MUC12: variants seen among roughly 807,000 people sequenced by gnomAD.
MUC12 encodes the protein mucin 12, cell surface associated.
Under a neutral mutation model 230.8 loss-of-function variants are expected in MUC12, and 172 were observed. The ratio of observed to expected loss-of-function variants is 0.75; its 90% confidence interval spans 0.66 to 0.85. MUC12 has a LOEUF of 0.85. Among genes scored for constraint, MUC12 ranks in the 40% least tolerant of loss-of-function variants. The pLI is 0.00. For synonymous variants in MUC12, 1,259 were observed against 2,401.9 expected (o/e 0.52, Z 13.91); for missense variants, 3,506 against 5,920.6 (o/e 0.59, Z 13.38).
chr7:101,005,019 C>G lies in MUC12; in HGVS notation c.14456C>G (p.Ala4819Gly). ...SPGSITTSSF[A>G]QEFTTPHSQP... ...GGCAGCATCACAACTTCATCTTTTGCTCAAGAATTTACCACCCCTCATAGC... is the reference window on the plus strand; with the variant it reads ...GGCAGCATCACAACTTCATCTTTTGGTCAAGAATTTACCACCCCTCATAGC... The change falls in exon 2 of 12, where the codon GCT becomes GGT. Residue 4819 changes from alanine to glycine, a missense_variant. Ala to Gly is a moderately conservative substitution (Grantham distance 60). Transcript: ENST00000536621. 1 of 1,537,632 alleles carries G rather than the reference C, an allele frequency of 6.5e-7. No individual in the cohort carries two copies. The highest frequency in any genetic ancestry group is 2.4e-5 in the East Asian group (1 of 40,916).
At position 101,004,720 on chromosome 7, in the gene MUC12, C is replaced by A. The variant is rs767319450; in HGVS notation, c.14157C>A (p.Gly4719=). The A allele has an allele frequency of 2.9e-5, 44 of 1,536,958 alleles. No individual in the cohort carries two copies. The East Asian group carries it at 9.5e-4, about 33-fold the overall frequency. Residue 4719 remains glycine, a synonymous_variant, in exon 2 of 12, where the codon GGC becomes GGA. Transcript: ENST00000536621. ...CTACCACCTTCTATATCTCTCCAGG[C>A]TCAATGGAAACAACATTAGCCAGCA... ...AESTTFYISP[G]SMETTLASTA...
At chr7:100,969,735 G>T in intron 1 of MUC12, 46 bp downstream of exon 1, 1 of 1,537,162 alleles carries the variant, frequency 6.5e-7, no homozygotes, top group Non-Finnish European at 8.7e-7. Flanking sequence ...CTCCTGGGTG[G>T]TAATAGTACA....
Position 101,012,962 on chromosome 7 carries a change from C to T in MUC12, c.15476-18C>T. On this transcript the variant is annotated intron_variant, in intron 7 of 11. Transcript: ENST00000536621. Reference sequence around the variant, plus strand: ...GCTTTGGCCAGGCTCATGCATGCTGCCCGCCCCTCTCCCTCAGAGCAATGC... The same window carrying T: ...GCTTTGGCCAGGCTCATGCATGCTGTCCGCCCCTCTCCCTCAGAGCAATGC... 6.5e-7 allele frequency: 1 copy of T among 1,537,226 alleles called. No individual in the cohort carries two copies. Among genetic ancestry groups the T allele is most frequent in the Non-Finnish European group, 8.7e-7 (1 of 1,146,902 alleles).
chr7:101,002,876 A>C lies in MUC12; in HGVS notation c.12313A>C (p.Thr4105Pro), dbSNP rs1471397650. 1 of 1,170,634 alleles carries C rather than the reference A, an allele frequency of 8.5e-7. No individual in the cohort carries two copies. The highest frequency in any genetic ancestry group is 2.2e-5 in the Admixed American group (1 of 44,654). The allele number at this position is 1,170,634 out of a possible 1,614,324, so 72.5% of individuals were successfully genotyped here. ...CACAGCAGTCCCTGTTGAAGTATCC[A>C]CAACCTACCACAGCCGCCCGAGCTC... ...STTAVPVEVS[T>P]TYHSRPSSTP... is the part of the protein sequence containing the mutation. Residue 4105 changes from threonine to proline, a missense_variant, in exon 2 of 12, where the codon ACA becomes CCA. Coordinates refer to ENST00000536621, the MANE Select transcript of MUC12 (RefSeq NM_001164462.2).
At chr7:101,015,986 A>G (rs982996472) in intron 10 of MUC12, among the ~76,000 whole-genome samples, 7 of 152,152 alleles carry the variant, frequency 4.6e-5, no homozygotes. Flanking sequence ...CAGAGGGAGC[A>G]GAGGGGTGGA....
chr7:101,007,849 G>A (rs1793778748), intron 3 of MUC12, among the ~76,000 whole-genome samples: 1 of 152,088 alleles, frequency 6.6e-6, no homozygotes, highest in South Asian at 2.1e-4. Context: ...CCAGGCTGGA[G>A]TGCAGTGGCA....
Position 101,004,535 on chromosome 7 carries a change from T to A in MUC12, c.13972T>A (p.Tyr4658Asn), listed in dbSNP as rs1793697195. The A allele has an allele frequency of 1.3e-6, 2 of 1,535,882 alleles. No individual in the cohort carries two copies. The highest frequency in any genetic ancestry group is 2.0e-5 in the Admixed American group (1 of 50,756). The change falls in exon 2 of 12, where the codon TAC becomes AAC. Residue 4658 changes from tyrosine to asparagine, a missense_variant. Tyr to Asn is a moderately radical substitution (Grantham distance 143). Transcript: ENST00000536621. ...TGCCCTTGTTGAAGAACCTACCAGC[T>A]ACCACAGCAGCCCGGGCTCAATTGC... is the stretch of plus-strand genomic sequence containing the variant. ...TSALVEEPTS[Y>N]HSSPGSIATT...
chr7:101,013,958 A>T lies in MUC12; in HGVS notation c.15684A>T (p.Glu5228Asp). The T allele has an allele frequency of 6.5e-7, 1 of 1,536,474 alleles. No individual in the cohort carries two copies. The highest frequency in any genetic ancestry group is 8.7e-7 in the Non-Finnish European group (1 of 1,146,582). ...ACTGGTACTGGGGAGAGACCTGTGA[A>T]TTCAACATCGCCAAGAGCCTCGTGT... ...NTHWYWGETC[E>D]FNIAKSLVYG... The change falls in exon 9 of 12, where the codon GAA becomes GAT. Residue 5228 changes from glutamate (E) to aspartate (D), a missense_variant. Glu to Asp is a conservative substitution (Grantham distance 45). Transcript: ENST00000536621.
chr7:101,016,166 C>T (rs1793913970), intron 10 of MUC12, among the ~76,000 whole-genome samples: 1 of 152,024 alleles, frequency 6.6e-6, no homozygotes, highest in Non-Finnish European at 1.5e-5. Flanking sequence ...AGGCAGGGGG[C>T]ACTGCATGAG....
intron 3 of MUC12, among the ~76,000 whole-genome samples, chr7:101,006,858 T>C (rs1207656248): frequency 6.6e-6 from 1 of 152,178 alleles, no homozygotes; most frequent in Non-Finnish European, 1.5e-5. Context: ...GTTACAGGAA[T>C]GCAATATGTA....
chr7:100,972,864 A>G, intron 1 of MUC12: 1 of 702,796 alleles, frequency 1.4e-6, no homozygotes, highest in East Asian at 2.7e-5. Context: ...TCCAGGGCAC[A>G]TTGTGGACTG....
intron 1 of MUC12, among the ~76,000 whole-genome samples, chr7:100,973,852 C>CT (rs1792964456): frequency 6.7e-6 from 1 of 149,988 alleles, no homozygotes; most frequent in South Asian, 2.1e-4. Context: ...CACCCCATCT[C>CT]TAAAAAAAAA....
intron 1 of MUC12, among the ~76,000 whole-genome samples, chr7:100,985,665 C>T (rs962559170): frequency 2.6e-5 from 4 of 152,064 alleles, no homozygotes; most frequent in African/African-American, 4.8e-5. Flanking sequence ...TTTGCAAAGG[C>T]GGTTTCAGCT....
intron 11 of MUC12, 93 bp downstream of exon 11, chr7:101,017,756 CTCCCTTCTCCCCCTGGGA>C (rs1793957856): frequency 1.0e-5 from 9 of 885,192 alleles, no homozygotes; most frequent in South Asian, 6.7e-5. Context: ...CCCCCTGGGA[CTCCCTTCTCCCCCTGGGA>C]CTCCCTCCCT....
rs561335434 is a variant in MUC12, at chr7:101,005,421, G to A, written c.14858G>A (p.Ser4953Asn). The change falls in exon 2 of 12, where the codon AGC (serine) becomes AAC (asparagine). Residue 4953 changes from serine (S) to asparagine (N), a missense_variant. Ser to Asn is a conservative substitution (Grantham distance 46, BLOSUM62 1). Transcript: ENST00000536621. ...ACAACACTCTTTCCTGCGAGTTCCA[G>A]CACATCAGGCCTCACTGAGGAATCT... The part of the protein sequence containing the change: ...TYTTLFPASS[S>N]TSGLTEESTT... 1.3e-6 allele frequency: 2 copies of A among 1,537,746 alleles called. 1 individual carries two copies. The highest frequency in any genetic ancestry group is 2.4e-5 in the South Asian group (2 of 84,064).
At chr7:100,984,958 T>C (rs931411649) in intron 1 of MUC12, among the ~76,000 whole-genome samples, 1 of 151,908 alleles carries the variant, frequency 6.6e-6, no homozygotes, top group Non-Finnish European at 1.5e-5. Context: ...CCTCTGCCTC[T>C]TGGGTTCAAG....
chr7:100,975,316 G>A (rs1793008158), intron 1 of MUC12, among the ~76,000 whole-genome samples: 2 of 152,312 alleles, frequency 1.3e-5, no homozygotes, highest in South Asian at 2.1e-4. Flanking sequence ...GGGGCCAGGG[G>A]TCTGAAGGGG....
At chr7:101,008,093 C>T (rs972282854) in intron 3 of MUC12, among the ~76,000 whole-genome samples, 4 of 150,780 alleles carry the variant, frequency 2.7e-5, no homozygotes, top group Admixed American at 6.6e-5. Context: ...TGTGAGCCAC[C>T]GCGCCCGGCC....
chr7:100,986,609 C>CCTAGCTGTGCCTTGGCTAGGCA (rs1334682134), intron 1 of MUC12, among the ~76,000 whole-genome samples: 1 of 152,188 alleles, frequency 6.6e-6, no homozygotes, highest in South Asian at 2.1e-4. Flanking sequence ...CCGTCTTGGT[C>CCTAGCTGTGCCTTGGCTAGGCA]CAGCTCCTAG....
Sources: gnomAD v4.1 joint callset for allele counts (sites outside exome capture counted in the v4.1 genomes callset) on GRCh38, gnomAD v4.1.1 for gene constraint, MANE v1.5 for transcripts, NCBI Gene and HGNC (gene_info 2026-07-23, HGNC 2026-07-21) for gene names.